Variants in VPS16 observed in about 807,000 individuals in gnomAD.
VPS16 encodes vacuolar protein sorting-associated protein 16 homolog.
VPS16 carries 82 observed loss-of-function variants against 116.0 expected under a neutral mutation model. The observed-to-expected ratio is 0.71, with a 90% CI of 0.59 to 0.85. VPS16 has a LOEUF of 0.85. Among genes scored for constraint, VPS16 ranks in the 40% least tolerant of loss-of-function variants. The pLI is 0.00. For missense variants in VPS16, 928 were observed against 1,090.6 expected (o/e 0.85, Z 2.10); for synonymous variants, 406 against 420.7 (o/e 0.96, Z 0.43).
chr20:2,863,064 G>C lies in VPS16; in HGVS notation c.1332-1G>C. 1.2e-6 allele frequency: 2 copies of C among 1,614,102 alleles called. No individual in the cohort carries two copies. The highest frequency in any genetic ancestry group is 1.7e-6 in the Non-Finnish European group (2 of 1,180,036). On this transcript the variant is annotated splice_acceptor_variant, in intron 13 of 23. Coordinates refer to ENST00000380445, the MANE Select transcript of VPS16 (RefSeq NM_022575.4). LOFTEE classifies it high-confidence loss of function. This position sits in a 1 kb window ranked among gnomAD's most constrained non-coding sequence, Gnocchi z 4.4. The stretch of plus-strand genomic sequence containing the variant: ...TGGATCCTTAACCGAGGAAAATACA[G>C]ATATAAGCAGCTCACCATCCAGGTG...
rs1464161182 is a variant in VPS16, at chr20:2,865,048, C to T, written c.1997C>T (p.Ala666Val). The change falls in exon 20 of 24, where the codon GCA (alanine) becomes GTA (valine). Residue 666 changes from alanine to valine, a missense_variant. Ala to Val is a moderately conservative substitution (Grantham distance 64). Coordinates refer to ENST00000380445, the MANE Select transcript of VPS16 (RefSeq NM_022575.4). The surrounding 1 kb of genome is among the most constrained non-coding windows in gnomAD (Gnocchi z 5.2). The part of the protein sequence containing the change: ...DAFYKAKNEF[A>V]AKATEDQMRL... Reference sequence around the variant, plus strand: ...TTCTACAAGGCCAAGAATGAGTTTGCAGCCAAGGTTTGGCCCACCTTTTTC... The same window carrying T: ...TTCTACAAGGCCAAGAATGAGTTTGTAGCCAAGGTTTGGCCCACCTTTTTC... 1.2e-6 allele frequency: 2 copies of T among 1,614,196 alleles called. No individual in the cohort carries two copies. The highest frequency in any genetic ancestry group is 1.1e-5 in the South Asian group (1 of 91,088).
At chr20:2,841,763 ATT>A (rs11483882) in intron 1 of VPS16, among the ~76,000 whole-genome samples, 1 of 143,344 alleles carries the variant, frequency 7.0e-6, no homozygotes. Flanking sequence ...GGCTGAAAGC[ATT>A]TTTTTTTTTT....
rs372836009 is a variant in VPS16 at position 2,864,302 on chromosome 20, G to T, written c.1720+15G>T. 6.2e-6 allele frequency: 10 copies of T among 1,613,840 alleles called. No individual in the cohort carries two copies. Among genetic ancestry groups the T allele is most frequent in the Non-Finnish European group, 8.5e-6 (10 of 1,179,938 alleles). On this transcript the variant is annotated intron_variant, in intron 17 of 23. Transcript: ENST00000380445. This position sits in a 1 kb window ranked among gnomAD's most constrained non-coding sequence, Gnocchi z 5.2. Reference sequence around the variant, plus strand: ...CACTGACCTGGGTGAGGGCAAGGCTGGGGGGCCCCTGGGCTAAGTGGGAGC... The same window carrying T: ...CACTGACCTGGGTGAGGGCAAGGCTTGGGGGCCCCTGGGCTAAGTGGGAGC...
In VPS16 at chr20:2,865,175, C is replaced by T. The variant is rs1204774652; in HGVS notation, c.2032C>T (p.Arg678Trp). The T allele has an allele frequency of 5.6e-6, 9 of 1,614,054 alleles. No homozygotes were observed. Among genetic ancestry groups the T allele is most frequent in the East Asian group, 4.5e-5 (2 of 44,894 alleles). The change falls in exon 21 of 24, where the codon CGG (arginine) becomes TGG (tryptophan). Residue 678 changes from arginine (R) to tryptophan (W), a missense_variant. Transcript: ENST00000380445. This position sits in a 1 kb window ranked among gnomAD's most constrained non-coding sequence, Gnocchi z 5.2. Reference sequence around the variant, plus strand: ...TACAGAGGATCAAATGCGGCTCCTACGGCTGCAGCGGCGCCTAGAAGACGA... The same window carrying T: ...TACAGAGGATCAAATGCGGCTCCTATGGCTGCAGCGGCGCCTAGAAGACGA... ...KATEDQMRLL[R>W]LQRRLEDELG...
chr20:2,859,318 G>T (rs940834561), intron 1 of VPS16, among the ~76,000 whole-genome samples: 1 of 152,124 alleles, frequency 6.6e-6, no homozygotes, highest in Admixed American at 6.6e-5. Flanking sequence ...TAGAAGAAAG[G>T]CTTTCTTCTC....
Position 2,859,934 on chromosome 20 carries a change from A to G in VPS16, c.143-120A>G. ...CCACTCACCCTGCTGAGATGCTTTT[A>G]CTTCTGGTTTTTATAGGCCTGCTTC... On this transcript the variant is annotated intron_variant, in intron 2 of 23. Transcript: ENST00000380445. 8.7e-6 allele frequency: 13 copies of G among 1,495,058 alleles called. No individual in the cohort carries two copies. In the South Asian group the frequency reaches 1.5e-4, roughly 18 times the overall value. The allele number at this position is 1,495,058 out of a possible 1,614,324, so 92.6% of individuals were successfully genotyped here.
chr20:2,846,676 C>G (rs550518067), intron 1 of VPS16, among the ~76,000 whole-genome samples: 2 of 152,214 alleles, frequency 1.3e-5, no homozygotes, highest in East Asian at 3.9e-4. Flanking sequence ...CAGATTATAC[C>G]TAACATGCAT....
chr20:2,849,042 T>C (rs1599977795), intron 1 of VPS16, among the ~76,000 whole-genome samples: 4 of 152,206 alleles, frequency 2.6e-5, no homozygotes, highest in African/African-American at 9.6e-5. Context: ...GAAAAGCTAG[T>C]CTCCTTGGAG....
At position 2,864,751 on chromosome 20, in the gene VPS16, C is replaced by A; in HGVS notation, c.1926+97C>A. 1.5e-6 allele frequency: 2 copies of A among 1,328,850 alleles called. No homozygotes were observed. Among genetic ancestry groups the A allele is most frequent in the Non-Finnish European group, 2.1e-6 (2 of 940,274 alleles). 82.3% of individuals were successfully genotyped at this position (1,328,850 alleles called of 1,614,324 possible). A position where few individuals can be genotyped will look rare whatever the true frequency, so the allele number is the denominator to read the frequency against. ...AATCTAGGCCTTCGTGTTGGGTGCA[C>A]ACTCCATCTGGTCCTCACTGTGAGG... On this transcript the variant is annotated intron_variant, in intron 19 of 23. Coordinates refer to ENST00000380445, the MANE Select transcript of VPS16 (RefSeq NM_022575.4). This position sits in a 1 kb window ranked among gnomAD's most constrained non-coding sequence, Gnocchi z 5.2.
At chr20:2,862,517 AG>A (rs1163586016) in intron 11 of VPS16, 61 bp from the exon 12 acceptor site, 2 of 1,580,828 alleles carry the variant, frequency 1.3e-6, no homozygotes, top group Admixed American at 1.7e-5. Context: ...CAGAATGGTT[AG>A]GGGCCAGATG....
In VPS16 at chr20:2,862,800, T is replaced by C. The variant is rs372114832; in HGVS notation, c.1204-7T>C. On this transcript the variant is annotated splice_polypyrimidine_tract_variant and splice_region_variant and intron_variant, in intron 12 of 23. Coordinates refer to ENST00000380445, the MANE Select transcript of VPS16 (RefSeq NM_022575.4). ...GCTCTCTCCTATCGCCCTCTGGCTC[T>C]TCTCAGGCCGCCTCCTTCGGAAAGT... The C allele has an allele frequency of 2.8e-4, 453 of 1,613,740 alleles. 1 individual carries two copies. The highest frequency in any genetic ancestry group is 2.3e-4 in the Non-Finnish European group (276 of 1,180,004).
intron 1 of VPS16, among the ~76,000 whole-genome samples, chr20:2,851,098 C>T (rs933499313): frequency 3.9e-5 from 6 of 152,118 alleles, no homozygotes; most frequent in Non-Finnish European, 7.3e-5. Context: ...GTTCAGACCT[C>T]GTTGGAAAAA....
At position 2,862,039 on chromosome 20, in the gene VPS16, A is replaced by C. The variant is rs6051449; in HGVS notation, c.995-15A>C. ...TCCCTGCCTTTCTCCCTCACTCACC[A>C]ACTCCCTTCCCCAGCGGCCAGCGAG... On this transcript the variant is annotated splice_polypyrimidine_tract_variant and intron_variant, in intron 10 of 23. Transcript: ENST00000380445. 660,176 of 1,611,330 alleles carry C rather than the reference A, an allele frequency of 0.41. 139,154 individuals carry two copies. Among genetic ancestry groups the C allele is most frequent in the East Asian group, 0.63 (28,296 of 44,770 alleles).
At chr20:2,841,124 G>T in intron 1 of VPS16, 1 of 476,912 alleles carries the variant, frequency 2.1e-6, no homozygotes, top group Non-Finnish European at 3.7e-6. Flanking sequence ...GACAGCGAGT[G>T]CCCAGTCTCC....
At position 2,859,725 on chromosome 20, in the gene VPS16, T is replaced by A; in HGVS notation, c.60T>A (p.Tyr20Ter). 1 of 1,611,736 alleles carries A rather than the reference T, an allele frequency of 6.2e-7. No homozygotes were observed. Among genetic ancestry groups the A allele is most frequent in the Non-Finnish European group, 8.5e-7 (1 of 1,178,176 alleles). ...PLGDSAFYRK[Y>*]ELYSMDWDLK... ...CTCATCTCTGTGTGGGCAGGAAATA[T>A]GAGCTGTACAGCATGGACTGGGACC... The change falls in exon 2 of 24, where the codon TAT becomes TAA. Residue 20 changes from tyrosine (Y) to a stop codon, truncating the protein, a stop_gained. Transcript: ENST00000380445. LOFTEE classifies it high-confidence loss of function.
rs1183490641 is a variant in VPS16 at position 2,842,854 on chromosome 20, ATGTAT to A, written c.53+2028_53+2032del. 1.2e-3 allele frequency among the ~76,000 whole-genome samples: 180 copies of A among 150,380 alleles called. 5 individuals are homozygous for A. The highest frequency in any genetic ancestry group is 2.5e-3 in the South Asian group (12 of 4,758). On this transcript the variant is annotated intron_variant, in intron 1 of 23. Transcript: ENST00000380445. ...TATAGATGTATCTATCGATAGATAG[ATGTAT>A]CTATCGATAGATAGATAGATGTATC... is the stretch of plus-strand genomic sequence containing the variant.
In VPS16 at chr20:2,859,761, A is replaced by G. The variant is rs1018763620; in HGVS notation, c.96A>G (p.Glu32=). Residue 32 remains glutamate, a synonymous_variant, in exon 2 of 24, where the codon GAA becomes GAG. Coordinates refer to ENST00000380445, the MANE Select transcript of VPS16 (RefSeq NM_022575.4). ...GCATGGACTGGGACCTGAAGGAGGA[A>G]CTCAGGGATTGCCTGGTGGCTGCTG... ...LYSMDWDLKE[E]LRDCLVAAAP... 1.9e-6 allele frequency: 3 copies of G among 1,613,020 alleles called. No individual in the cohort carries two copies. Among genetic ancestry groups the G allele is most frequent in the East Asian group, 2.2e-5 (1 of 44,866 alleles).
chr20:2,845,341 AAGG>A (rs2089047707), intron 1 of VPS16, among the ~76,000 whole-genome samples: 1 of 152,066 alleles, frequency 6.6e-6, no homozygotes, highest in Non-Finnish European at 1.5e-5. Context: ...TTTGGCAGGG[AAGG>A]AGGTGAGCTT....
chr20:2,861,412 C>A, intron 8 of VPS16, 132 bp downstream of exon 8: 1 of 1,457,536 alleles, frequency 6.9e-7, no homozygotes, highest in Non-Finnish European at 9.5e-7. Context: ...TCTGCCATTG[C>A]ACACTTGAAG....
Sources: gnomAD v4.1 joint callset for allele counts (sites outside exome capture counted in the v4.1 genomes callset) on GRCh38, gnomAD v4.1.1 for gene constraint, Gnocchi (gnomAD v3.1) non-coding constraint, MANE v1.5 for transcripts, NCBI Gene and HGNC (gene_info 2026-07-23, HGNC 2026-07-21) for gene names.